The following VPS13D variants were observed in gnomAD, a reference collection of about 807,000 sequenced individuals.
The protein encoded by VPS13D is intermembrane lipid transfer protein VPS13D.
Under a neutral mutation model 461.9 loss-of-function variants are expected in VPS13D, and 187 were observed. The observed-to-expected ratio is 0.40, with a 90% CI of 0.36 to 0.46. The LOEUF (loss-of-function observed/expected upper bound fraction) is 0.46, where lower values mean the gene tolerates loss of function less well. VPS13D is among the 20% of genes least tolerant of loss of function. The pLI is 0.60. For synonymous variants in VPS13D, 1,951 were observed against 1,986.3 expected (o/e 0.98, Z 0.47); for missense variants, 4,711 against 5,364.9 (o/e 0.88, Z 3.81).
At chr1:12,329,698 G>A in intron 36 of VPS13D, 131 bp from the exon 37 acceptor site, 2 of 644,022 alleles carry the variant, frequency 3.1e-6, no homozygotes, top group South Asian at 3.8e-5. Context: ...AGTACATGAT[G>A]AACAAAGTAT....
At position 12,338,245 on chromosome 1, in the gene VPS13D, TAC is replaced by T; in HGVS notation, c.8567_8568del (p.Tyr2856SerfsTer2). ...PCFGQSLPLV[Y>X]LRTRSTASLT... ...CTGTCTACCAGGCCTCCCCCTTGTC[TAC>T]CTTAGAACTAGGAGTACAGCCAGTC... On this transcript the variant is annotated frameshift_variant, in exon 40 of 70. Coordinates refer to ENST00000620676, the MANE Select transcript of VPS13D (RefSeq NM_015378.4). LOFTEE classifies it high-confidence loss of function. 1.2e-6 allele frequency: 2 copies of T among 1,613,672 alleles called. No homozygotes were observed. The highest frequency in any genetic ancestry group is 2.2e-5 in the South Asian group (2 of 91,066).
chr1:12,447,502 G>A (rs952550260), intron 65 of VPS13D, among the ~76,000 whole-genome samples: 3 of 152,168 alleles, frequency 2.0e-5, no homozygotes, highest in Non-Finnish European at 1.5e-5. Flanking sequence ...TTCCACTGTG[G>A]TCTTCAGTAC....
chr1:12,443,310 A>G (rs1645152363), intron 65 of VPS13D, among the ~76,000 whole-genome samples: 1 of 152,248 alleles, frequency 6.6e-6, no homozygotes, highest in South Asian at 2.1e-4. Context: ...ATGTAGCTGT[A>G]GTTCATTCAT....
Position 12,349,273 on chromosome 1 carries a change from T to C in VPS13D, c.9330T>C (p.Cys3110=). The C allele has an allele frequency of 6.2e-7, 1 of 1,614,168 alleles. No homozygotes were observed. Among genetic ancestry groups the C allele is most frequent in the Admixed American group, 1.7e-5 (1 of 60,020 alleles). Residue 3110 remains cysteine (C), a synonymous_variant, in exon 46 of 70, where the codon TGT becomes TGC. Coordinates refer to ENST00000620676, the MANE Select transcript of VPS13D (RefSeq NM_015378.4). ...CCAAAGGATTGGGTGTATTTTTCTG[T>C]AAGGCTCCCATTCATTGGACCAATG... is the stretch of plus-strand genomic sequence containing the variant. ...ARPKGLGVFF[C]KAPIHWTNVV...
At position 12,342,964 on chromosome 1, in the gene VPS13D, A is replaced by T; in HGVS notation, c.8798A>T (p.Asp2933Val). ...VPEGNGTFLD[D>V]THNVSEWREV... is the part of the protein sequence containing the mutation. ...GAAGGGAACGGAACATTTCTCGATG[A>T]TACTCACAATGTTAGTGAATGGCGA... Residue 2933 changes from aspartate to valine, a missense_variant, in exon 42 of 70, where the codon GAT (aspartate) becomes GTT (valine). Physicochemically the swap from Asp to Val is radical, Grantham distance 152. Coordinates refer to ENST00000620676, the MANE Select transcript of VPS13D (RefSeq NM_015378.4). 1 of 1,613,942 alleles carries T rather than the reference A, an allele frequency of 6.2e-7. No individual in the cohort carries two copies. Among genetic ancestry groups the T allele is most frequent in the Non-Finnish European group, 8.5e-7 (1 of 1,179,830 alleles).
At chr1:12,289,544 G>A (rs546873201) in intron 22 of VPS13D, among the ~76,000 whole-genome samples, 1 of 151,126 alleles carries the variant, frequency 6.6e-6, no homozygotes, top group South Asian at 2.1e-4. Flanking sequence ...TTTTAGAAAA[G>A]CTTCTTAGAG....
intron 67 of VPS13D, chr1:12,478,945 C>G (rs115488033): frequency 2.2e-6 from 1 of 453,888 alleles, no homozygotes; most frequent in African/African-American, 2.0e-5. Flanking sequence ...CCCATCACCT[C>G]GAAAGCTGTT....
Position 12,279,547 on chromosome 1 carries a change from T to G in VPS13D, c.4499T>G (p.Ile1500Ser). ...NTTIQFKLEKIPIERESELTF... is the reference protein window; with the variant it reads ...NTTIQFKLEKSPIERESELTF... ...ACCATTCAGTTTAAACTGGAGAAGA[T>G]CCCTATAGAGAGAGAATCTGAATTG... Residue 1500 changes from isoleucine (I) to serine (S), a missense_variant, in exon 20 of 70, where the codon ATC (isoleucine) becomes AGC (serine). By Grantham distance (142) the Ile-to-Ser change is moderately radical (BLOSUM62 -2). Transcript: ENST00000620676. This position sits in a 1 kb window ranked among gnomAD's most constrained non-coding sequence, Gnocchi z 4.3. The G allele has an allele frequency of 6.2e-7, 1 of 1,612,202 alleles. No homozygotes were observed. Among genetic ancestry groups the G allele is most frequent in the Non-Finnish European group, 8.5e-7 (1 of 1,178,690 alleles).
intron 23 of VPS13D, among the ~76,000 whole-genome samples, chr1:12,292,262 CAAAA>C (rs766212937): frequency 8.2e-5 from 1 of 12,244 alleles, no homozygotes. Context: ...AACTCCATCT[CAAAA>C]AAAAAAAAAA....
intron 2 of VPS13D, among the ~76,000 whole-genome samples, chr1:12,239,660 T>G (rs971234786): frequency 2.0e-5 from 3 of 152,244 alleles, no homozygotes; most frequent in African/African-American, 7.2e-5. Flanking sequence ...CCCTCCTTTT[T>G]GTTTTTATAA....
rs1643374038 is a variant in VPS13D at position 12,333,216 on chromosome 1, G to A, written c.8288-10G>A. The A allele has an allele frequency of 6.2e-7, 1 of 1,612,588 alleles. No homozygotes were observed. The highest frequency in any genetic ancestry group is 1.7e-5 in the Admixed American group (1 of 59,696). ...GCTGAACAGATGTCTTATTTCCTGT[G>A]TTCTTTTAGGCTGGGAGCCATTTAT... On this transcript the variant is annotated splice_polypyrimidine_tract_variant and intron_variant, in intron 37 of 69. Coordinates refer to ENST00000620676, the MANE Select transcript of VPS13D (RefSeq NM_015378.4).
chr1:12,427,245 A>T (rs937079044), intron 65 of VPS13D, among the ~76,000 whole-genome samples: 12 of 110,798 alleles, frequency 1.1e-4, no homozygotes, highest in East Asian at 4.8e-4. Context: ...TCATTATTTT[A>T]TTATTATTAT....
At chr1:12,305,432 G>A (rs1005672574) in intron 26 of VPS13D, among the ~76,000 whole-genome samples, 1 of 151,990 alleles carries the variant, frequency 6.6e-6, no homozygotes, top group African/African-American at 2.4e-5. Context: ...GTGTCATCAC[G>A]CTCAGCTAAT....
chr1:12,450,632 G>C (rs1645251570), intron 65 of VPS13D, among the ~76,000 whole-genome samples: 1 of 152,216 alleles, frequency 6.6e-6, no homozygotes, highest in Non-Finnish European at 1.5e-5. Context: ...TGATCATGAA[G>C]AGGGAACAAA....
intron 52 of VPS13D, among the ~76,000 whole-genome samples, chr1:12,366,238 A>G (rs943010316): frequency 1.3e-5 from 2 of 152,172 alleles, no homozygotes; most frequent in South Asian, 2.1e-4. Flanking sequence ...TGACTTTTAA[A>G]TGTATTATCT....
At chr1:12,433,541 G>A (rs1014729203) in intron 65 of VPS13D, among the ~76,000 whole-genome samples, 2 of 152,184 alleles carry the variant, frequency 1.3e-5, no homozygotes, top group African/African-American at 4.8e-5. Context: ...CTGCCCTCCC[G>A]ATGAACCCGC....
intron 52 of VPS13D, among the ~76,000 whole-genome samples, chr1:12,366,977 T>C (rs1644044687): frequency 6.6e-6 from 1 of 152,222 alleles, no homozygotes; most frequent in Non-Finnish European, 1.5e-5. Flanking sequence ...ACTGATGAAA[T>C]TTAACCTTGA....
rs1646124148 is a variant in VPS13D, at chr1:12,507,317, C to T, written c.13035+224C>T. On this transcript the variant is annotated intron_variant, in intron 69 of 69. Coordinates refer to ENST00000620676, the MANE Select transcript of VPS13D (RefSeq NM_015378.4). The surrounding 1 kb of genome is among the most constrained non-coding windows in gnomAD (Gnocchi z 5.3). ...TGGGTGACCCTGGGAACATTAACTG[C>T]CTCACAACGTTTGTGCCTCAGTTAC... 1.3e-6 allele frequency: 1 copy of T among 788,224 alleles called. No individual in the cohort carries two copies. The highest frequency in any genetic ancestry group is 2.3e-4 in the Middle Eastern group (1 of 4,388). The allele number at this position is 788,224 out of a possible 1,614,324, so 48.8% of individuals were successfully genotyped here. A position where few individuals can be genotyped will look rare whatever the true frequency, so the allele number is the denominator to read the frequency against.
Position 12,266,938 on chromosome 1 carries a change from G to T in VPS13D, c.1652G>T (p.Arg551Leu). 6.2e-6 allele frequency: 10 copies of T among 1,609,994 alleles called. No individual in the cohort carries two copies. Among genetic ancestry groups the T allele is most frequent in the Non-Finnish European group, 8.5e-6 (10 of 1,178,690 alleles). The change falls in exon 14 of 70, where the codon CGG becomes CTG. Residue 551 changes from arginine to leucine, a missense_variant. By Grantham distance (102) the Arg-to-Leu change is moderately radical (BLOSUM62 -2). This residue lies in a region of VPS13D where 4,411 missense variants were observed against 4,937.8 expected (regional missense o/e 0.89). Coordinates refer to ENST00000620676, the MANE Select transcript of VPS13D (RefSeq NM_015378.4). ...AGAAATTCCTCGTTGCTTTCAGTCCGGTTGGGTGGACTGTTTCTTCGAGAC... is the reference window on the plus strand; with the variant it reads ...AGAAATTCCTCGTTGCTTTCAGTCCTGTTGGGTGGACTGTTTCTTCGAGAC... ...PRRNSSLLSV[R>L]LGGLFLRDLA...
Sources: gnomAD v4.1 joint callset for allele counts (sites outside exome capture counted in the v4.1 genomes callset) on GRCh38, gnomAD v4.1.1 for gene constraint, gnomAD v4.1.1 regional missense constraint, Gnocchi (gnomAD v3.1) non-coding constraint, MANE v1.5 for transcripts, NCBI Gene and HGNC (gene_info 2026-07-23, HGNC 2026-07-21) for gene names.